Variants in TTC29 observed in about 807,000 individuals in gnomAD.
TTC29 encodes the protein tetratricopeptide repeat domain 29, also known as tetratricopeptide repeat protein 29.
Under a neutral mutation model 58.1 loss-of-function variants are expected in TTC29, and 49 were observed. That is an observed-to-expected ratio of 0.84 (90% CI 0.67 to 1.07). The LOEUF is 1.07. Among genes scored for constraint, TTC29 ranks in the 50% least tolerant of loss-of-function variants. The pLI is 0.00. For missense variants in TTC29, 582 were observed against 555.6 expected, an observed-to-expected ratio of 1.05 and a Z score of -0.48; for synonymous variants, 209 against 196.8, an observed-to-expected ratio of 1.06 and a Z score of -0.52.
intron 9 of TTC29, among the ~76,000 whole-genome samples, chr4:146,833,485 A>T (rs1728301771): frequency 6.6e-6 from 1 of 152,196 alleles, no homozygotes; most frequent in Non-Finnish European, 1.5e-5. Flanking sequence ...ACTGAAGCGT[A>T]CTACATATTT....
chr4:146,909,553 A>G (rs534602590), intron 4 of TTC29, among the ~76,000 whole-genome samples: 1 of 149,352 alleles, frequency 6.7e-6, no homozygotes, highest in South Asian at 2.2e-4. Flanking sequence ...AATATTAAAA[A>G]ATACTTGATA....
intron 11 of TTC29, among the ~76,000 whole-genome samples, chr4:146,761,028 T>G (rs1356979857): frequency 6.6e-6 from 1 of 151,708 alleles, no homozygotes; most frequent in Non-Finnish European, 1.5e-5. Context: ...CTCACTGATA[T>G]GTGGGAGCTA....
At chr4:146,768,995 A>G (rs566762103) in intron 11 of TTC29, among the ~76,000 whole-genome samples, 126 of 152,126 alleles carry the variant, frequency 8.3e-4, no homozygotes, top group African/African-American at 2.9e-3. Context: ...AATATTTGCC[A>G]TAGCAAACAC....
At chr4:146,824,917 A>G (rs1319331836) in intron 9 of TTC29, among the ~76,000 whole-genome samples, 2 of 152,058 alleles carry the variant, frequency 1.3e-5, no homozygotes, top group African/African-American at 4.8e-5. Context: ...CTCTGTTAGT[A>G]GTTTGTATTT....
Position 146,903,527 on chromosome 4 carries a change from G to T in TTC29, c.586+17C>A. 1 of 1,587,004 alleles carries T rather than the reference G, an allele frequency of 6.3e-7. No homozygotes were observed. The highest frequency in any genetic ancestry group is 8.6e-7 in the Non-Finnish European group (1 of 1,165,882). ...CACCAAAACATACCCAAGGCATCCT[G>T]GCAAATGCCCACTCACCATCTTCCT... On this transcript the variant is annotated intron_variant, in intron 6 of 12. Transcript: ENST00000325106.
chr4:146,929,506 C>A (rs944953466), intron 4 of TTC29, among the ~76,000 whole-genome samples: 2 of 152,170 alleles, frequency 1.3e-5, no homozygotes, highest in African/African-American at 4.8e-5. Flanking sequence ...GCAATATAGG[C>A]AAGCTAGTTA....
intron 10 of TTC29, among the ~76,000 whole-genome samples, chr4:146,805,339 A>T (rs1750524842): frequency 1.3e-5 from 2 of 152,050 alleles, no homozygotes. Flanking sequence ...CTTCCAAAGG[A>T]TCATAACTCC....
intron 6 of TTC29, among the ~76,000 whole-genome samples, chr4:146,893,029 G>A (rs1280195385): frequency 2.0e-5 from 3 of 152,154 alleles, no homozygotes; most frequent in African/African-American, 2.4e-5. Flanking sequence ...TGAAATAAAA[G>A]AGGATACAAA....
At chr4:146,838,887 C>G (rs1242106890) in intron 8 of TTC29, among the ~76,000 whole-genome samples, 2 of 151,888 alleles carry the variant, frequency 1.3e-5, no homozygotes, top group African/African-American at 4.8e-5. Flanking sequence ...CCAGTCTTGG[C>G]CCTTATGTTC....
intron 9 of TTC29, among the ~76,000 whole-genome samples, chr4:146,828,109 C>CT (rs988048409): frequency 6.6e-6 from 1 of 152,022 alleles, no homozygotes; most frequent in Admixed American, 6.6e-5. Context: ...TCTGTCCTCA[C>CT]TTTTTCATAC....
intron 11 of TTC29, among the ~76,000 whole-genome samples, chr4:146,728,860 C>CATATATATGT (rs1554006144): frequency 3.2e-5 from 2 of 62,026 alleles, no homozygotes; most frequent in Non-Finnish European, 7.4e-5. Flanking sequence ...TATATATACA[C>CATATATATGT]ATATATATGT....
chr4:146,776,710 T>C lies in TTC29; in HGVS notation c.1330+26747A>G, dbSNP rs189180078. On this transcript the variant is annotated intron_variant, in intron 11 of 12. Transcript: ENST00000325106. ...GGGCAGTATTAGCAAAAGCACTTCATTGGGGCAGTGGGATCTGTGCCTGCT... is the reference window on the plus strand; with the variant it reads ...GGGCAGTATTAGCAAAAGCACTTCACTGGGGCAGTGGGATCTGTGCCTGCT... 4.9e-4 allele frequency among the ~76,000 whole-genome samples: 75 copies of C among 152,274 alleles called. 1 individual carries two copies. The East Asian group carries it at 5.8e-3, about 12-fold the overall frequency.
At chr4:146,877,081 T>C (rs895716995) in intron 6 of TTC29, among the ~76,000 whole-genome samples, 1 of 152,070 alleles carries the variant, frequency 6.6e-6, no homozygotes, top group Non-Finnish European at 1.5e-5. Context: ...ATTATGAAAC[T>C]TCACATGATA....
chr4:146,775,933 A>G (rs1411645149), intron 11 of TTC29, among the ~76,000 whole-genome samples: 1 of 152,010 alleles, frequency 6.6e-6, no homozygotes, highest in African/African-American at 2.4e-5. Context: ...ATATTTCTCA[A>G]ATGGTCTCTT....
Position 146,761,872 on chromosome 4 carries a change from G to A in TTC29, c.1330+41585C>T, listed in dbSNP as rs545195743. ...GAATGCCCTTAGGAATTTGAGAAAC[G>A]TTGTAAGAATTCTGATTAAAATTAT... On this transcript the variant is annotated intron_variant, in intron 11 of 12. Transcript: ENST00000325106. Among the ~76,000 whole-genome samples, 6 of 151,776 alleles carry A rather than the reference G, an allele frequency of 4.0e-5. No individual in the cohort carries two copies. The South Asian group carries it at 8.3e-4, about 21-fold the overall frequency.
chr4:146,755,553 G>A (rs1401260999), intron 11 of TTC29, among the ~76,000 whole-genome samples: 1 of 152,118 alleles, frequency 6.6e-6, no homozygotes, highest in African/African-American at 2.4e-5. Context: ...ACATAGGGAC[G>A]ATAGGTAATA....
At chr4:146,720,326 G>C (rs1743264796) in intron 11 of TTC29, among the ~76,000 whole-genome samples, 1 of 152,040 alleles carries the variant, frequency 6.6e-6, no homozygotes, top group African/African-American at 2.4e-5. Flanking sequence ...CCTGAAAACA[G>C]AAATGGTATA....
At chr4:146,769,838 C>T (rs1747597365) in intron 11 of TTC29, among the ~76,000 whole-genome samples, 1 of 151,994 alleles carries the variant, frequency 6.6e-6, no homozygotes, top group African/African-American at 2.4e-5. Flanking sequence ...TGATACTGCA[C>T]AATAGATGAT....
intron 10 of TTC29, 40 bp from the exon 11 acceptor site, chr4:146,803,725 AT>A: frequency 6.9e-7 from 1 of 1,459,476 alleles, no homozygotes; most frequent in South Asian, 1.3e-5. Flanking sequence ...CTTACTTTTA[AT>A]GTCACCATTT....
Sources: gnomAD v4.1 joint callset for allele counts (sites outside exome capture counted in the v4.1 genomes callset) on GRCh38, gnomAD v4.1.1 for gene constraint, MANE v1.5 for transcripts, NCBI Gene and HGNC (gene_info 2026-07-23, HGNC 2026-07-21) for gene names.